The following GSK3B variants were observed in gnomAD, a reference collection of about 807,000 sequenced individuals.
The protein encoded by GSK3B is glycogen synthase kinase-3 beta.
In GSK3B, 15 loss-of-function variants were observed where a neutral mutation model predicts 56.4. The observed-to-expected ratio is 0.27, with a 90% CI of 0.18 to 0.41. The LOEUF is 0.41. Among genes scored for constraint, GSK3B ranks in the 10% least tolerant of loss-of-function variants. GSK3B has a pLI of 1.00. For missense variants in GSK3B, 300 were observed against 513.4 expected (o/e 0.58, Z 4.02); for synonymous variants, 181 against 188.9 (o/e 0.96, Z 0.34).
intron 1 of GSK3B, among the ~76,000 whole-genome samples, chr3:120,082,348 G>A (rs1368929347): frequency 7.0e-6 from 1 of 142,566 alleles, no homozygotes; most frequent in Non-Finnish European, 1.5e-5. Flanking sequence ...TGTAGCTAAT[G>A]AACCCTTGAA....
intron 1 of GSK3B, among the ~76,000 whole-genome samples, chr3:120,028,000 G>T (rs1421840776): frequency 6.6e-6 from 1 of 152,048 alleles, no homozygotes; most frequent in East Asian, 1.9e-4. Flanking sequence ...TAAAAAATCA[G>T]CAACTATTTC....
chr3:119,841,934 A>C (rs2055777305), intron 10 of GSK3B, among the ~76,000 whole-genome samples: 1 of 152,180 alleles, frequency 6.6e-6, no homozygotes, highest in Non-Finnish European at 1.5e-5. Flanking sequence ...ATGGATTTTG[A>C]CCTTACTGTT....
intron 7 of GSK3B, among the ~76,000 whole-genome samples, chr3:119,888,033 G>A (rs1236076363): frequency 6.6e-6 from 1 of 152,016 alleles, no homozygotes; most frequent in Non-Finnish European, 1.5e-5. Context: ...ACATTTTTAG[G>A]CAAACAAAAG....
intron 3 of GSK3B, among the ~76,000 whole-genome samples, chr3:119,941,162 C>T (rs184139575): frequency 8.8e-4 from 134 of 152,004 alleles, no homozygotes; most frequent in African/African-American, 2.9e-3. Flanking sequence ...ATTACAGGCA[C>T]TTGCCATCAC....
At chr3:119,958,623 C>T (rs951026719) in intron 2 of GSK3B, among the ~76,000 whole-genome samples, 41 of 151,852 alleles carry the variant, frequency 2.7e-4, no homozygotes, top group Non-Finnish European at 1.2e-4. Flanking sequence ...GGCTACAGTG[C>T]GCTATGATTG....
chr3:119,831,850 G>GA (rs1435561334), intron 10 of GSK3B, among the ~76,000 whole-genome samples: 3 of 152,066 alleles, frequency 2.0e-5, no homozygotes, highest in Non-Finnish European at 4.4e-5. Context: ...TGCTACTATG[G>GA]AAAAACAAGT....
chr3:119,871,786 T>C (rs866727645), intron 8 of GSK3B, among the ~76,000 whole-genome samples: 13 of 152,158 alleles, frequency 8.5e-5, no homozygotes, highest in African/African-American at 2.9e-4. Flanking sequence ...AAATCCAGCA[T>C]GGCTGCATGG....
rs1031332596 is a variant in GSK3B, at chr3:120,019,784, A to C, written c.89-17545T>G. 8.5e-5 allele frequency among the ~76,000 whole-genome samples: 13 copies of C among 152,358 alleles called. No individual in the cohort carries two copies. The East Asian group carries it at 2.5e-3, about 29-fold the overall frequency. ...CTCCCTCTGATTAAATCCCTGTATC[A>C]ATCACACATAGAAGAAAATTTTTCA... On this transcript the variant is annotated intron_variant, in intron 1 of 10. Coordinates refer to ENST00000264235, the MANE Select transcript of GSK3B (RefSeq NM_001146156.2).
intron 7 of GSK3B, among the ~76,000 whole-genome samples, chr3:119,885,430 C>T (rs565156168): frequency 4.9e-4 from 75 of 152,108 alleles, no homozygotes; most frequent in Middle Eastern, 6.8e-3. Context: ...ACTGTTAAAA[C>T]GGCCATACTG....
chr3:120,065,775 C>T (rs2058272920), intron 1 of GSK3B, among the ~76,000 whole-genome samples: 1 of 152,116 alleles, frequency 6.6e-6, no homozygotes, highest in Non-Finnish European at 1.5e-5. Context: ...CAGCCATAAA[C>T]AGGAACGAAG....
At chr3:119,827,230 C>A (rs2055525121) in intron 10 of GSK3B, among the ~76,000 whole-genome samples, 1 of 152,072 alleles carries the variant, frequency 6.6e-6, no homozygotes, top group African/African-American at 2.4e-5. Context: ...AAAATTTGAA[C>A]CATGTTACAA....
rs147856119 is a variant in GSK3B, at chr3:119,915,242, T to C, written c.608+802A>G. Among the ~76,000 whole-genome samples the C allele has an allele frequency of 1.4e-4, 21 of 152,190 alleles. No homozygotes were observed. The East Asian group carries it at 3.8e-3, about 28-fold the overall frequency. Reference sequence around the variant, plus strand: ...AAGGGTGGAATAAAAGGTTAAATTATAGAGGAAAATGAAGAAAACACTGCA... The same window carrying C: ...AAGGGTGGAATAAAAGGTTAAATTACAGAGGAAAATGAAGAAAACACTGCA... On this transcript the variant is annotated intron_variant, in intron 5 of 10. Transcript: ENST00000264235.
rs1475353287 is a variant in GSK3B, at chr3:120,006,328, C to G, written c.89-4089G>C. 3.3e-5 allele frequency among the ~76,000 whole-genome samples: 5 copies of G among 152,162 alleles called. No individual in the cohort carries two copies. In the East Asian group the frequency reaches 9.6e-4, roughly 29 times the overall value. On this transcript the variant is annotated intron_variant, in intron 1 of 10. Coordinates refer to ENST00000264235, the MANE Select transcript of GSK3B (RefSeq NM_001146156.2). ...ACAATAATAATGGGAGACTTTAACA[C>G]CCCACTGTCAATATTAGACAGATCA...
At chr3:119,928,978 T>G (rs1424589190) in intron 3 of GSK3B, among the ~76,000 whole-genome samples, 1 of 152,198 alleles carries the variant, frequency 6.6e-6, no homozygotes, top group Non-Finnish European at 1.5e-5. Context: ...CTTAAAAAAT[T>G]AGTTATCTTT....
intron 7 of GSK3B, among the ~76,000 whole-genome samples, chr3:119,885,883 T>C (rs2056430630): frequency 6.6e-6 from 1 of 152,110 alleles, no homozygotes; most frequent in African/African-American, 2.4e-5. Flanking sequence ...TCTTTCACCA[T>C]ATACAAAAAG....
At chr3:120,050,209 A>C (rs1264101804) in intron 1 of GSK3B, among the ~76,000 whole-genome samples, 1 of 152,198 alleles carries the variant, frequency 6.6e-6, no homozygotes, top group Non-Finnish European at 1.5e-5. Context: ...GAACTCACTC[A>C]CTGCTACAAA....
chr3:120,040,250 AGAGT>A (rs1440059867), intron 1 of GSK3B, among the ~76,000 whole-genome samples: 12 of 152,370 alleles, frequency 7.9e-5, no homozygotes, highest in African/African-American at 2.9e-4. Context: ...ACTGCTGTGC[AGAGT>A]GAGTGGGTCC....
chr3:119,871,941 T>C (rs9829763), intron 8 of GSK3B, among the ~76,000 whole-genome samples: 118,583 of 152,080 alleles, frequency 0.78, 46,491 homozygotes, highest in East Asian at 0.91. Flanking sequence ...TTTATTCTTT[T>C]GTTACTCTGA....
chr3:120,074,790 A>G (rs2058355933), intron 1 of GSK3B, among the ~76,000 whole-genome samples: 1 of 152,220 alleles, frequency 6.6e-6, no homozygotes, highest in Non-Finnish European at 1.5e-5. Flanking sequence ...CCCAAAAAAG[A>G]AAAGGTCAGG....
Sources: gnomAD v4.1 joint callset for allele counts (sites outside exome capture counted in the v4.1 genomes callset) on GRCh38, gnomAD v4.1.1 for gene constraint, MANE v1.5 for transcripts, NCBI Gene and HGNC (gene_info 2026-07-23, HGNC 2026-07-21) for gene names.